The following NPHS1 variants were observed in gnomAD, a reference collection of about 807,000 sequenced individuals.
NPHS1 encodes the protein nephrin.
NPHS1 carries 107 observed loss-of-function variants against 139.7 expected under a neutral mutation model. That is an observed-to-expected ratio of 0.77 (90% CI 0.66 to 0.90). The LOEUF is 0.90. Among genes scored for constraint, NPHS1 ranks in the 40% least tolerant of loss-of-function variants. The pLI is 0.00. For synonymous variants in NPHS1, 707 were observed against 706.6 expected, an observed-to-expected ratio of 1.00 and a Z score of -0.01; for missense variants, 1,580 against 1,654.2, an observed-to-expected ratio of 0.96 and a Z score of 0.78.
At position 35,831,642 on chromosome 19, in the gene NPHS1, C is replaced by A; in HGVS notation, c.3286+1G>T. 6.2e-7 allele frequency: 1 copy of A among 1,613,444 alleles called. No homozygotes were observed. Among genetic ancestry groups the A allele is most frequent in the Non-Finnish European group, 8.5e-7 (1 of 1,179,836 alleles). On this transcript the variant is annotated splice_donor_variant, in intron 24 of 28. Coordinates refer to ENST00000378910, the MANE Select transcript of NPHS1 (RefSeq NM_004646.4). LOFTEE classifies it high-confidence loss of function. ...CCTGGCAGGGAAGGGTCTCTCCTCA[C>A]CCTCAGCAAGACGCCTGAGTCTCCG... is the stretch of plus-strand genomic sequence containing the variant.
Position 35,845,788 on chromosome 19 carries a change from A to C in NPHS1, c.1638T>G (p.Thr546=), listed in dbSNP as rs115444936. The change falls in exon 13 of 29, where the codon ACT becomes ACG. Residue 546 remains threonine (T), a synonymous_variant. Transcript: ENST00000378910. This position sits in a 1 kb window ranked among gnomAD's most constrained non-coding sequence, Gnocchi z 5.5. ...ATGCGTTGGCCAGGATCGTCACGTT[A>C]GTTGGGGGAACTGGGAGACGGGGTT... ...STQLAVQFPP[T]NVTILANASA... 2.5e-3 allele frequency: 4,007 copies of C among 1,612,662 alleles called. 9 individuals carry two copies. The highest frequency in any genetic ancestry group is 3.1e-3 in the Non-Finnish European group (3,638 of 1,178,906).
In NPHS1 at chr19:35,831,748, G is replaced by C; in HGVS notation, c.3181C>G (p.Pro1061Ala). The change falls in exon 24 of 29, where the codon CCC becomes GCC. Residue 1061 changes from proline to alanine, a missense_variant. Physicochemically the swap from Pro to Ala is conservative, Grantham distance 27. Coordinates refer to ENST00000378910, the MANE Select transcript of NPHS1 (RefSeq NM_004646.4). ...AGAGCGAACAGCACAGGCAGCAGGG[G>C]CAGCCCCGAGGGTCCTAGGGGTGGA... ...TEPPSGPSGLPLLPVLFALGG... is the reference protein window; with the variant it reads ...TEPPSGPSGLALLPVLFALGG... 6.4e-7 allele frequency: 1 copy of C among 1,574,522 alleles called. No individual in the cohort carries two copies. The highest frequency in any genetic ancestry group is 2.4e-5 in the East Asian group (1 of 42,512).
intron 23 of NPHS1, among the ~76,000 whole-genome samples, chr19:35,835,199 CAAAAAAAAAAAA>C (rs71167570): frequency 9.8e-5 from 7 of 71,212 alleles, no homozygotes; most frequent in Non-Finnish European, 1.5e-4. Flanking sequence ...GACTCTGTCT[CAAAAAAAAAAAA>C]AAAAAAAAGA....
Position 35,849,320 on chromosome 19 carries a change from C to CT in NPHS1, c.755dup (p.His254AlafsTer18). On this transcript the variant is annotated frameshift_variant, in exon 7 of 29. Coordinates refer to ENST00000378910, the MANE Select transcript of NPHS1 (RefSeq NM_004646.4). LOFTEE classifies it high-confidence loss of function. Reference sequence around the variant, plus strand: ...AGCTCTGTCCTGCCCGCACGTGCCCCTCATCCAGGCCTGGCCACTCGATGA... The same window carrying CT: ...AGCTCTGTCCTGCCCGCACGTGCCCCTTCATCCAGGCCTGGCCACTCGATGA... 6.2e-7 allele frequency: 1 copy of CT among 1,613,030 alleles called. No homozygotes were observed. Among genetic ancestry groups the CT allele is most frequent in the Non-Finnish European group, 8.5e-7 (1 of 1,179,984 alleles).
chr19:35,840,700 T>C (rs1265337253), intron 20 of NPHS1, among the ~76,000 whole-genome samples: 1 of 142,492 alleles, frequency 7.0e-6, no homozygotes, highest in South Asian at 2.3e-4. Flanking sequence ...TTTTTTTTTT[T>C]TTTTTTGAGA....
At chr19:35,838,692 A>G (rs1293646093) in intron 22 of NPHS1, among the ~76,000 whole-genome samples, 8 of 151,778 alleles carry the variant, frequency 5.3e-5, no homozygotes, top group African/African-American at 1.7e-4. Context: ...TATTAAGAAT[A>G]CAAAATTAGC....
Position 35,830,941 on chromosome 19 carries a change from T to C in NPHS1, c.3497A>G (p.Asp1166Gly). ...VSYSRGFTGE[D>G]EDMAFPGHLY... Reference sequence around the variant, plus strand: ...GTGCCCAGGGAAGGCCATATCCTCATCTTCACCTGTGAAACCTGGAGTTGG... The same window carrying C: ...GTGCCCAGGGAAGGCCATATCCTCACCTTCACCTGTGAAACCTGGAGTTGG... Residue 1166 changes from aspartate (D) to glycine (G), a missense_variant, in exon 28 of 29, where the codon GAT (aspartate) becomes GGT (glycine). By Grantham distance (94) the Asp-to-Gly change is moderately conservative. Transcript: ENST00000378910. 6.2e-7 allele frequency: 1 copy of C among 1,613,544 alleles called. No homozygotes were observed. Among genetic ancestry groups the C allele is most frequent in the Non-Finnish European group, 8.5e-7 (1 of 1,179,472 alleles).
In NPHS1 at chr19:35,849,350, G is replaced by C. The variant is rs886054352; in HGVS notation, c.726C>G (p.Pro242=). ...CCAGGCCTGGCCACTCGATGACAGGGGGTCCTGGAGGGACTGGGGGATATC... is the reference window on the plus strand; with the variant it reads ...CCAGGCCTGGCCACTCGATGACAGGCGGTCCTGGAGGGACTGGGGGATATC... ...FTVNVLFPPG[P]PVIEWPGLDE... Residue 242 remains proline (P), a synonymous_variant, in exon 7 of 29, where the codon CCC becomes CCG. Transcript: ENST00000378910. 6.2e-7 allele frequency: 1 copy of C among 1,612,020 alleles called. No individual in the cohort carries two copies. The highest frequency in any genetic ancestry group is 1.7e-5 in the Admixed American group (1 of 59,988).
rs2146807567 is a variant in NPHS1 at position 35,831,399 on chromosome 19, T to G, written c.3312-28A>C. 3 of 1,612,226 alleles carry G rather than the reference T, an allele frequency of 1.9e-6. No homozygotes were observed. The East Asian group carries it at 6.7e-5, about 36-fold the overall frequency. Reference sequence around the variant, plus strand: ...TCCAGGATGAAGGTGTGGGGGGAAGTTGAGTGCTGCCCCCCGCCACCAGTC... The same window carrying G: ...TCCAGGATGAAGGTGTGGGGGGAAGGTGAGTGCTGCCCCCCGCCACCAGTC... On this transcript the variant is annotated intron_variant, in intron 25 of 28. Transcript: ENST00000378910.
chr19:35,848,671 C>T lies in NPHS1; in HGVS notation c.1136G>A (p.Arg379Gln), dbSNP rs767578020. The T allele has an allele frequency of 8.1e-6, 13 of 1,613,892 alleles. No individual in the cohort carries two copies. In the African/African-American group the frequency reaches 9.3e-5, roughly 12 times the overall value. Residue 379 changes from arginine to glutamine, a missense_variant, in exon 9 of 29, where the codon CGG (arginine) becomes CAG (glutamine). By Grantham distance (43) the Arg-to-Gln change is conservative. Coordinates refer to ENST00000378910, the MANE Select transcript of NPHS1 (RefSeq NM_004646.4). ...RVLLRWWLGW[R>Q]QLLPMEETVM... Reference sequence around the variant, plus strand: ...TGTCTCCTCCATGGGCAGCAGCTGCCGCCAGCCCAGCCACCATCGTAGCAG... The same window carrying T: ...TGTCTCCTCCATGGGCAGCAGCTGCTGCCAGCCCAGCCACCATCGTAGCAG...
At position 35,839,279 on chromosome 19, in the gene NPHS1, C is replaced by A; in HGVS notation, c.3067G>T (p.Gly1023Ter). The A allele has an allele frequency of 6.2e-7, 1 of 1,614,190 alleles. No homozygotes were observed. The highest frequency in any genetic ancestry group is 1.1e-5 in the South Asian group (1 of 91,078). The change falls in exon 22 of 29, where the codon GGA (glycine) becomes TGA (stop). Residue 1023 changes from glycine to a stop codon, truncating the protein, a stop_gained. Transcript: ENST00000378910. LOFTEE classifies it high-confidence loss of function. ...AGCTGGGTCCCTTTGTCAGCCAGTC[C>A]ACTGTCCCCCAAGGCATTACTGGCC... ...LLASNALGDS[G>*]LADKGTQLPI...
chr19:35,848,219 T>G, intron 10 of NPHS1, 34 bp downstream of exon 10: 1 of 1,614,104 alleles, frequency 6.2e-7, no homozygotes, highest in Non-Finnish European at 8.5e-7. Context: ...GTCCTGAGGC[T>G]TGGGGGCATT....
At chr19:35,836,717 A>C (rs1972966582) in intron 22 of NPHS1, among the ~76,000 whole-genome samples, 1 of 152,016 alleles carries the variant, frequency 6.6e-6, no homozygotes, top group African/African-American at 2.4e-5. Context: ...GCTTGCGGCC[A>C]GGAGTGGTGG....
In NPHS1 at chr19:35,843,503, A is replaced by G. The variant is rs771795078; in HGVS notation, c.2303T>C (p.Ile768Thr). The G allele has an allele frequency of 2.5e-6, 4 of 1,613,936 alleles. No homozygotes were observed. Among genetic ancestry groups the G allele is most frequent in the Admixed American group, 3.3e-5 (2 of 59,988 alleles). The change falls in exon 17 of 29, where the codon ATC (isoleucine) becomes ACC (threonine). Residue 768 changes from isoleucine to threonine, a missense_variant. Coordinates refer to ENST00000378910, the MANE Select transcript of NPHS1 (RefSeq NM_004646.4). ...DIVCTVDANP[I>T]LPGMFNWERL... is the part of the protein sequence containing the mutation. The stretch of plus-strand genomic sequence containing the variant: ...CTCCCAGTTGAACATGCCCGGGAGG[A>G]TGGGATTGGCATCGACAGTGCAGAC...
chr19:35,828,886 T>A (rs1014843606), intron 28 of NPHS1, among the ~76,000 whole-genome samples: 1 of 152,218 alleles, frequency 6.6e-6, no homozygotes, highest in Non-Finnish European at 1.5e-5. Flanking sequence ...TGCGCCATGC[T>A]GGTGAGGAGC....
intron 20 of NPHS1, among the ~76,000 whole-genome samples, chr19:35,840,569 C>T (rs1395044725): frequency 2.1e-5 from 3 of 144,740 alleles, no homozygotes; most frequent in Admixed American, 6.9e-5. Flanking sequence ...CTCCTGACCT[C>T]GTGATCCACC....
rs775363028 is a variant in NPHS1, at chr19:35,850,972, G to T, written c.515C>A (p.Thr172Asn). Residue 172 changes from threonine (T) to asparagine (N), a missense_variant, in exon 4 of 29, where the codon ACC becomes AAC. Transcript: ENST00000378910. The part of the protein sequence containing the change: ...SGDAKPAPDI[T>N]ILLSGQTISD... ...TCACCCACACTCACTCAGGAGAATGGTGATGTCAGGTGCTGGCTTCGCGTC... is the reference window on the plus strand; with the variant it reads ...TCACCCACACTCACTCAGGAGAATGTTGATGTCAGGTGCTGGCTTCGCGTC... The T allele has an allele frequency of 6.2e-7, 1 of 1,614,044 alleles. No individual in the cohort carries two copies. Among genetic ancestry groups the T allele is most frequent in the Admixed American group, 1.7e-5 (1 of 60,018 alleles).
In NPHS1 at chr19:35,850,970, T is replaced by C; in HGVS notation, c.517A>G (p.Ile173Val). The C allele has an allele frequency of 1.2e-6, 2 of 1,614,000 alleles. No homozygotes were observed. Among genetic ancestry groups the C allele is most frequent in the East Asian group, 4.5e-5 (2 of 44,882 alleles). The change falls in exon 4 of 29, where the codon ATT (isoleucine) becomes GTT (valine). Residue 173 changes from isoleucine (I) to valine (V), a missense_variant. Ile to Val is a conservative substitution (Grantham distance 29, BLOSUM62 3). Coordinates refer to ENST00000378910, the MANE Select transcript of NPHS1 (RefSeq NM_004646.4). ...GTTCACCCACACTCACTCAGGAGAA[T>C]GGTGATGTCAGGTGCTGGCTTCGCG... is the stretch of plus-strand genomic sequence containing the variant. ...GDAKPAPDIT[I>V]LLSGQTISDI...
rs958743785 is a variant in NPHS1 at position 35,844,580 on chromosome 19, G to A, written c.1931-121C>T. The A allele has an allele frequency of 2.1e-5, 22 of 1,048,960 alleles. No homozygotes were observed. In the Middle Eastern group the frequency reaches 6.5e-4, roughly 31 times the overall value. 65.0% of individuals were successfully genotyped at this position (1,048,960 alleles called of 1,614,324 possible). A position where few individuals can be genotyped will look rare whatever the true frequency, so the allele number is the denominator to read the frequency against. ...GGTCACGACGGGGTTTAAGGTTGTG[G>A]ACAAGGTAACAAGTTCAGAGCTAAG... On this transcript the variant is annotated intron_variant, in intron 14 of 28. Transcript: ENST00000378910.
Sources: gnomAD v4.1 joint callset for allele counts (sites outside exome capture counted in the v4.1 genomes callset) on GRCh38, gnomAD v4.1.1 for gene constraint, Gnocchi (gnomAD v3.1) non-coding constraint, MANE v1.5 for transcripts, NCBI Gene and HGNC (gene_info 2026-07-23, HGNC 2026-07-21) for gene names.